The following ZNF277 variants were observed in gnomAD, a reference collection of about 807,000 sequenced individuals.
ZNF277 encodes the protein nuclear receptor-interacting factor 4.
Under a neutral mutation model 60.7 loss-of-function variants are expected in ZNF277, and 55 were observed. The observed-to-expected ratio is 0.91, with a 90% confidence interval of 0.73 to 1.13. The LOEUF is 1.13. Ranked by LOEUF, ZNF277 falls within the 50% of genes most tolerant of loss-of-function variation. ZNF277 has a pLI of 0.00. For missense variants in ZNF277, 510 were observed against 523.0 expected (o/e 0.98, Z 0.24); for synonymous variants, 178 against 179.3 (o/e 0.99, Z 0.06).
intron 1 of ZNF277, among the ~76,000 whole-genome samples, chr7:112,221,305 C>T (rs1353145108): frequency 2.6e-5 from 4 of 152,108 alleles, no homozygotes; most frequent in African/African-American, 9.7e-5. Context: ...GATTCCATTC[C>T]TTGGAATCCC....
chr7:112,216,286 G>GT (rs1400127158), intron 1 of ZNF277, among the ~76,000 whole-genome samples: 3 of 151,856 alleles, frequency 2.0e-5, no homozygotes, highest in Non-Finnish European at 4.4e-5. Context: ...GAAGAACTAG[G>GT]TTTTTTTTGG....
At chr7:112,284,105 C>T (rs1792008008) in intron 1 of ZNF277, among the ~76,000 whole-genome samples, 1 of 152,148 alleles carries the variant, frequency 6.6e-6, no homozygotes, top group Non-Finnish European at 1.5e-5. Context: ...AATCTTGATT[C>T]TCTCATCTGG....
At chr7:112,295,576 A>T (rs1387839623) in intron 2 of ZNF277, among the ~76,000 whole-genome samples, 1 of 152,170 alleles carries the variant, frequency 6.6e-6, no homozygotes, top group Non-Finnish European at 1.5e-5. Flanking sequence ...TCATTATCAC[A>T]TAAAAATAAT....
At chr7:112,223,550 G>A (rs996458956) in intron 1 of ZNF277, among the ~76,000 whole-genome samples, 3 of 152,164 alleles carry the variant, frequency 2.0e-5, no homozygotes, top group Non-Finnish European at 2.9e-5. Flanking sequence ...TTCCAAGTCC[G>A]GAGCCAAGAT....
chr7:112,330,260 CA>C (rs779435869), intron 7 of ZNF277, 44 bp downstream of exon 7: 90 of 1,593,232 alleles, frequency 5.6e-5, no homozygotes, highest in Non-Finnish European at 6.9e-5. Context: ...TGCAGTACTG[CA>C]AACAAAATCT....
intron 5 of ZNF277, among the ~76,000 whole-genome samples, chr7:112,319,341 A>G (rs1019251519): frequency 3.3e-5 from 5 of 152,062 alleles, no homozygotes; most frequent in Non-Finnish European, 7.4e-5. Flanking sequence ...ATCACTAGAA[A>G]AATTACTAGA....
chr7:112,244,429 C>G (rs1290415611), intron 1 of ZNF277, among the ~76,000 whole-genome samples: 4 of 152,040 alleles, frequency 2.6e-5, no homozygotes, highest in African/African-American at 9.7e-5. Context: ...AGGTTCTCTG[C>G]TTATGTGACC....
chr7:112,280,318 C>G (rs1323281742), intron 1 of ZNF277, among the ~76,000 whole-genome samples: 1 of 152,160 alleles, frequency 6.6e-6, no homozygotes, highest in East Asian at 1.9e-4. Flanking sequence ...TAATTTGACA[C>G]TTTGAGGGTC....
intron 1 of ZNF277, among the ~76,000 whole-genome samples, chr7:112,215,933 T>C (rs1342104704): frequency 6.6e-6 from 1 of 152,132 alleles, no homozygotes; most frequent in Non-Finnish European, 1.5e-5. Flanking sequence ...GAAAAGAAAA[T>C]ATCCTGTACC....
chr7:112,326,253 T>G (rs1441346620), intron 5 of ZNF277, among the ~76,000 whole-genome samples: 1 of 152,102 alleles, frequency 6.6e-6, no homozygotes, highest in Non-Finnish European at 1.5e-5. Context: ...AGGCAGATGT[T>G]AACTATGGCT....
At chr7:112,281,029 A>G (rs904902105) in intron 1 of ZNF277, among the ~76,000 whole-genome samples, 12 of 152,238 alleles carry the variant, frequency 7.9e-5, no homozygotes, top group African/African-American at 2.2e-4. Context: ...TCTGCTCTCC[A>G]GTGCTTAGTA....
chr7:112,267,862 C>A (rs1791585225), intron 1 of ZNF277, among the ~76,000 whole-genome samples: 1 of 152,082 alleles, frequency 6.6e-6, no homozygotes, highest in Non-Finnish European at 1.5e-5. Context: ...CCAGCCAAGA[C>A]CTTCACCAAG....
At chr7:112,272,356 T>C (rs1465573563) in intron 1 of ZNF277, among the ~76,000 whole-genome samples, 1 of 151,726 alleles carries the variant, frequency 6.6e-6, no homozygotes, top group Non-Finnish European at 1.5e-5. Flanking sequence ...TTCCAAATTT[T>C]AACTATTTTG....
intron 1 of ZNF277, among the ~76,000 whole-genome samples, chr7:112,264,079 G>A (rs1587129810): frequency 6.6e-6 from 1 of 152,090 alleles, no homozygotes. Context: ...GGTTGACATT[G>A]ACTAGATAGG....
chr7:112,331,023 C>G (rs147737402), intron 7 of ZNF277, among the ~76,000 whole-genome samples: 16 of 152,268 alleles, frequency 1.1e-4, no homozygotes, highest in Non-Finnish European at 1.9e-4. Flanking sequence ...TTATCATTCT[C>G]TTCAGTCAGC....
chr7:112,250,148 C>T (rs1456966419), intron 1 of ZNF277, among the ~76,000 whole-genome samples: 1 of 152,082 alleles, frequency 6.6e-6, no homozygotes, highest in Non-Finnish European at 1.5e-5. Flanking sequence ...AGGTCTCTAA[C>T]CTGGCCCCCC....
chr7:112,233,474 A>G (rs1822394279), intron 1 of ZNF277, among the ~76,000 whole-genome samples: 1 of 152,222 alleles, frequency 6.6e-6, no homozygotes, highest in Non-Finnish European at 1.5e-5. Context: ...CTTTTAGCAT[A>G]TAAGTGAATT....
chr7:112,242,535 C>G (rs1308440222), intron 1 of ZNF277, among the ~76,000 whole-genome samples: 1 of 129,890 alleles, frequency 7.7e-6, no homozygotes, highest in East Asian at 2.1e-4. Flanking sequence ...ATCAAGAAGT[C>G]AATCCCATTT....
intron 7 of ZNF277, among the ~76,000 whole-genome samples, chr7:112,334,198 C>A (rs1036510701): frequency 4.6e-5 from 7 of 152,072 alleles, no homozygotes; most frequent in African/African-American, 1.7e-4. Context: ...TGTATTAGGG[C>A]AGAAGTGTGA....
Sources: gnomAD v4.1 joint callset for allele counts (sites outside exome capture counted in the v4.1 genomes callset) on GRCh38, gnomAD v4.1.1 for gene constraint, MANE v1.5 for transcripts, NCBI Gene and HGNC (gene_info 2026-07-23, HGNC 2026-07-21) for gene names.